Variants in WSCD2 observed in about 807,000 individuals in gnomAD.
The protein encoded by WSCD2 is sialate:O-sulfotransferase 2.
WSCD2 carries 28 observed loss-of-function variants against 55.7 expected under a neutral mutation model. The observed-to-expected ratio is 0.50, with a 90% CI of 0.37 to 0.69. The LOEUF (loss-of-function observed/expected upper bound fraction) is 0.69, where lower values mean the gene tolerates loss of function less well. Among genes scored for constraint, WSCD2 ranks in the 30% least tolerant of loss-of-function variants. WSCD2 has a pLI of 0.00. For missense variants in WSCD2, 616 were observed against 762.1 expected (o/e 0.81, Z 2.26); for synonymous variants, 301 against 301.9 (o/e 1.00, Z 0.03).
intron 1 of WSCD2, among the ~76,000 whole-genome samples, chr12:108,163,103 A>T (rs898160958): frequency 3.9e-5 from 6 of 152,216 alleles, no homozygotes; most frequent in African/African-American, 1.4e-4. Flanking sequence ...TACCACTAAT[A>T]AGTAGTATTT....
At chr12:108,170,910 GT>G (rs764441994) in intron 1 of WSCD2, among the ~76,000 whole-genome samples, 2 of 152,236 alleles carry the variant, frequency 1.3e-5, no homozygotes, top group Non-Finnish European at 2.9e-5. Context: ...TGCAGGGCTA[GT>G]TCTGATCCAC....
Position 108,195,746 on chromosome 12 carries a change from A to G in WSCD2, c.-87A>G. The G allele has an allele frequency of 6.6e-7, 1 of 1,510,018 alleles. No homozygotes were observed. Among genetic ancestry groups the G allele is most frequent in the African/African-American group, 1.4e-5 (1 of 71,694 alleles). 93.5% of individuals were successfully genotyped at this position (1,510,018 alleles called of 1,614,324 possible). On this transcript the variant is annotated 5_prime_UTR_variant, in exon 2 of 9. An upstream open reading frame in the 5' UTR loses its in-frame stop. Coordinates refer to ENST00000547525, the MANE Select transcript of WSCD2 (RefSeq NM_014653.4). ...GAGGACCCCCAAGTGTTCCATCCCT[A>G]AGGAAAGCTTGGGAAACCAAGCCCC...
chr12:108,164,683 T>C (rs1879437146), intron 1 of WSCD2, among the ~76,000 whole-genome samples: 1 of 152,162 alleles, frequency 6.6e-6, no homozygotes, highest in Admixed American at 6.5e-5. Flanking sequence ...ATGTTTCGCT[T>C]CAGTGGACAA....
At chr12:108,245,093 C>G (rs746455178) in intron 8 of WSCD2, among the ~76,000 whole-genome samples, 1 of 152,076 alleles carries the variant, frequency 6.6e-6, no homozygotes, top group Non-Finnish European at 1.5e-5. Context: ...TGGGTAGATA[C>G]CCAGTAGTGG....
At chr12:108,218,004 G>A (rs909866966) in intron 4 of WSCD2, among the ~76,000 whole-genome samples, 2 of 152,136 alleles carry the variant, frequency 1.3e-5, no homozygotes, top group African/African-American at 4.8e-5. Flanking sequence ...ATGGAGAAAT[G>A]CCAGCCTAGG....
chr12:108,166,806 TC>T, intron 1 of WSCD2, among the ~76,000 whole-genome samples: 1 of 145,464 alleles, frequency 6.9e-6, no homozygotes, highest in African/African-American at 2.6e-5. Flanking sequence ...TCTTTCTTTC[TC>T]TCTTTTTTTC....
intron 1 of WSCD2, among the ~76,000 whole-genome samples, chr12:108,130,389 C>T: frequency 6.6e-6 from 1 of 152,190 alleles, no homozygotes; most frequent in South Asian, 2.1e-4. Flanking sequence ...AATAAGGCTG[C>T]CTGTCATCTG....
chr12:108,164,696 C>G (rs568981269), intron 1 of WSCD2, among the ~76,000 whole-genome samples: 2 of 152,252 alleles, frequency 1.3e-5, no homozygotes, highest in African/African-American at 4.8e-5. Flanking sequence ...GTGGACAACA[C>G]CAGTCTCCAG....
chr12:108,171,299 A>G (rs1399198722), intron 1 of WSCD2, among the ~76,000 whole-genome samples: 1 of 148,498 alleles, frequency 6.7e-6, no homozygotes, highest in Non-Finnish European at 1.5e-5. Flanking sequence ...CAGGACAGTA[A>G]GTTTTCCAGG....
Position 108,200,247 on chromosome 12 carries a change from A to G in WSCD2, c.382+4033A>G, listed in dbSNP as rs535423338. On this transcript the variant is annotated intron_variant, in intron 2 of 8. Coordinates refer to ENST00000547525, the MANE Select transcript of WSCD2 (RefSeq NM_014653.4). ...ACTGAGGTGCTCTGTGTCAGGGACT[A>G]TTTGTCCATATTTTCCTTTCAGCTT... Among the ~76,000 whole-genome samples, 14 of 152,260 alleles carry G rather than the reference A, an allele frequency of 9.2e-5. No individual in the cohort carries two copies. In the South Asian group the frequency reaches 2.9e-3, roughly 32 times the overall value.
chr12:108,146,148 A>C (rs1226058749), intron 1 of WSCD2, among the ~76,000 whole-genome samples: 2 of 152,186 alleles, frequency 1.3e-5, no homozygotes, highest in African/African-American at 4.8e-5. Flanking sequence ...CATGATGCAA[A>C]TTGTACATCT....
intron 1 of WSCD2, among the ~76,000 whole-genome samples, chr12:108,158,731 C>T (rs971873362): frequency 1.9e-4 from 29 of 152,166 alleles, no homozygotes; most frequent in Non-Finnish European, 3.7e-4. Context: ...ACAGTACCAA[C>T]ATCCTACCGA....
At chr12:108,215,231 T>C (rs554717335) in intron 4 of WSCD2, among the ~76,000 whole-genome samples, 6 of 152,296 alleles carry the variant, frequency 3.9e-5, no homozygotes, top group South Asian at 2.1e-4. Context: ...ATCTAGGCCA[T>C]TGGACAGGAA....
chr12:108,185,824 T>C (rs1357879033), intron 1 of WSCD2, among the ~76,000 whole-genome samples: 1 of 152,146 alleles, frequency 6.6e-6, no homozygotes. Flanking sequence ...ATTAAGGAAC[T>C]CTATGCAAAT....
At chr12:108,139,944 A>C (rs11613237) in intron 1 of WSCD2, among the ~76,000 whole-genome samples, 28,224 of 151,834 alleles carry the variant, frequency 0.19, 2,877 homozygotes, top group Non-Finnish European at 0.22. Context: ...TGATCACACA[A>C]CCTTGGGCCA....
chr12:108,211,118 T>G (rs868654121), intron 4 of WSCD2, among the ~76,000 whole-genome samples: 17 of 152,236 alleles, frequency 1.1e-4, no homozygotes, highest in African/African-American at 3.9e-4. Context: ...CCTACAGCCT[T>G]TTCAGGTAAT....
At chr12:108,198,506 A>G (rs192645058) in intron 2 of WSCD2, among the ~76,000 whole-genome samples, 3 of 152,322 alleles carry the variant, frequency 2.0e-5, no homozygotes, top group Admixed American at 2.0e-4. Flanking sequence ...CTGATAGAAT[A>G]TGAATTCCTT....
intron 6 of WSCD2, among the ~76,000 whole-genome samples, chr12:108,230,502 C>G (rs759551275): frequency 1.3e-5 from 2 of 152,208 alleles, no homozygotes; most frequent in Non-Finnish European, 2.9e-5. Flanking sequence ...GCTGTCATCG[C>G]TGCTTAATAG....
intron 1 of WSCD2, among the ~76,000 whole-genome samples, chr12:108,140,010 C>T (rs1876617313): frequency 6.6e-6 from 1 of 152,152 alleles, no homozygotes; most frequent in Admixed American, 6.5e-5. Flanking sequence ...AGAGGGTGAG[C>T]TGATGTGTCT....
Sources: allele counts gnomAD v4.1 joint callset (sites outside exome capture counted in the v4.1 genomes callset), GRCh38; gene constraint gnomAD v4.1.1; transcripts MANE v1.5; gene names NCBI Gene and HGNC (gene_info 2026-07-23, HGNC 2026-07-21).